The following SRGAP3 variants were observed in gnomAD, a reference collection of about 807,000 sequenced individuals.
SRGAP3 encodes the protein SLIT-ROBO Rho GTPase-activating protein 3.
Under a neutral mutation model 121.1 loss-of-function variants are expected in SRGAP3, and 39 were observed. The observed-to-expected ratio is 0.32, with a 90% CI of 0.25 to 0.42. SRGAP3 has a LOEUF of 0.42. Ranked by LOEUF, SRGAP3 falls within the 10% of genes least tolerant of loss-of-function variation. The probability of loss-of-function intolerance (pLI) is 1.00; values close to 1 mark genes in which losing one functional copy is unlikely to be tolerated. For missense variants in SRGAP3, 1,213 were observed against 1,470.6 expected (o/e 0.82, Z 2.86); for synonymous variants, 601 against 570.0 (o/e 1.05, Z -0.77).
intron 14 of SRGAP3, among the ~76,000 whole-genome samples, chr3:9,018,500 C>T (rs1574917135): frequency 6.6e-6 from 1 of 152,284 alleles, no homozygotes; most frequent in Non-Finnish European, 1.5e-5. Context: ...CTTTTCCCTG[C>T]ATCCTCGTCA....
chr3:9,073,816 C>T (rs533932754), intron 4 of SRGAP3, among the ~76,000 whole-genome samples: 1 of 152,270 alleles, frequency 6.6e-6, no homozygotes, highest in East Asian at 1.9e-4. Context: ...CAGTTGTCAC[C>T]ACTTGCATAA....
chr3:9,177,172 C>A (rs1315627806), intron 1 of SRGAP3, among the ~76,000 whole-genome samples: 2 of 152,176 alleles, frequency 1.3e-5, no homozygotes, highest in African/African-American at 4.8e-5. Flanking sequence ...CAGCTATGTG[C>A]CAGACACTCT....
At chr3:9,025,402 C>G in intron 13 of SRGAP3, 64 bp from the exon 14 acceptor site, 1 of 1,515,756 alleles carries the variant, frequency 6.6e-7, no homozygotes, top group Admixed American at 1.7e-5. Flanking sequence ...CATTAGACTA[C>G]CGGGAATATC....
chr3:9,097,172 G>T (rs1175351050), intron 3 of SRGAP3, among the ~76,000 whole-genome samples: 2 of 151,198 alleles, frequency 1.3e-5, no homozygotes, highest in African/African-American at 4.9e-5. Context: ...TAATTTTTCT[G>T]TAGAGATGCG....
chr3:9,101,096 G>A (rs978989756), intron 3 of SRGAP3, among the ~76,000 whole-genome samples: 2 of 152,218 alleles, frequency 1.3e-5, no homozygotes, highest in Non-Finnish European at 2.9e-5. Flanking sequence ...TTCCATTTCG[G>A]CATTCGGGAG....
At chr3:9,290,163 A>G (rs930247639) in intron 3 of SRGAP3, among the ~76,000 whole-genome samples, 2 of 152,194 alleles carry the variant, frequency 1.3e-5, no homozygotes, top group African/African-American at 4.8e-5. Flanking sequence ...AGCAAACACA[A>G]GCCAGTTTGG....
rs1037988888 is a variant in SRGAP3 at position 8,991,376 on chromosome 3, G to A, written c.2559-537C>T. Among the ~76,000 whole-genome samples, 8 of 152,158 alleles carry A rather than the reference G, an allele frequency of 5.3e-5. No individual in the cohort carries two copies. The East Asian group carries it at 1.5e-3, about 29-fold the overall frequency. On this transcript the variant is annotated intron_variant, in intron 20 of 21. Transcript: ENST00000383836. ...CTCCCCAGAAGAGGGCTCCTTCTGC[G>A]AGGCTTTTTTGGATCTTGGAAAACT... is the stretch of plus-strand genomic sequence containing the variant.
chr3:9,329,001 GT>G (rs34326679), intron 2 of SRGAP3, among the ~76,000 whole-genome samples: 116,060 of 151,912 alleles, frequency 0.76, 44,978 homozygotes, highest in African/African-American at 0.89. Flanking sequence ...ACCCCATCCA[GT>G]TTTTTTTGTT....
chr3:9,230,391 ACATCCT>A (rs1468283330), intron 1 of SRGAP3, among the ~76,000 whole-genome samples: 1 of 152,198 alleles, frequency 6.6e-6, no homozygotes, highest in African/African-American at 2.4e-5. Context: ...GGGCATGCTC[ACATCCT>A]CATCCAGGTA....
Position 9,101,662 on chromosome 3 carries a change from G to A in SRGAP3, c.423+3018C>T, listed in dbSNP as rs1042564569. On this transcript the variant is annotated intron_variant, in intron 3 of 21. Coordinates refer to ENST00000383836, the MANE Select transcript of SRGAP3 (RefSeq NM_014850.4). Reference sequence around the variant, plus strand: ...TTGCCGAAAGAGTTGCAGAAAGACAGAGTTCTAGTAACATCCTTTGTTCCT... The same window carrying A: ...TTGCCGAAAGAGTTGCAGAAAGACAAAGTTCTAGTAACATCCTTTGTTCCT... 6.6e-5 allele frequency among the ~76,000 whole-genome samples: 10 copies of A among 152,226 alleles called. No individual in the cohort carries two copies. In the South Asian group the frequency reaches 1.0e-3, roughly 16 times the overall value.
At chr3:9,093,077 C>T (rs1947821574) in intron 3 of SRGAP3, among the ~76,000 whole-genome samples, 1 of 152,128 alleles carries the variant, frequency 6.6e-6, no homozygotes, top group African/African-American at 2.4e-5. Context: ...CCTGAAAAGC[C>T]AGTATCTATG....
chr3:9,312,455 C>CTAG (rs1955263587), intron 3 of SRGAP3, among the ~76,000 whole-genome samples: 2 of 152,204 alleles, frequency 1.3e-5, no homozygotes, highest in Non-Finnish European at 2.9e-5. Flanking sequence ...CCGCACCTGG[C>CTAG]CGAGATTCAA....
intron 1 of SRGAP3, among the ~76,000 whole-genome samples, chr3:9,146,908 G>A (rs1950045383): frequency 6.6e-6 from 1 of 152,178 alleles, no homozygotes; most frequent in Non-Finnish European, 1.5e-5. Flanking sequence ...ACGCCCAGCG[G>A]TGGCAGCCTG....
chr3:9,004,372 C>G (rs1283113204), intron 18 of SRGAP3, among the ~76,000 whole-genome samples: 1 of 152,168 alleles, frequency 6.6e-6, no homozygotes, highest in African/African-American at 2.4e-5. Flanking sequence ...TTAATGCAAT[C>G]CCTATCAGAA....
chr3:9,284,747 C>G (rs191277784), intron 3 of SRGAP3, among the ~76,000 whole-genome samples: 1 of 149,998 alleles, frequency 6.7e-6, no homozygotes, highest in African/African-American at 2.4e-5. Flanking sequence ...ACAGGAGGAT[C>G]ACTTGAGCCT....
intron 3 of SRGAP3, among the ~76,000 whole-genome samples, chr3:9,297,594 T>TA (rs1178686987): frequency 2.0e-5 from 3 of 151,364 alleles, no homozygotes; most frequent in East Asian, 3.9e-4. Flanking sequence ...CCTGTTTCCT[T>TA]AAAAAAAAGA....
chr3:9,163,330 G>T (rs370866198), intron 1 of SRGAP3, among the ~76,000 whole-genome samples: 1 of 152,178 alleles, frequency 6.6e-6, no homozygotes, highest in East Asian at 1.9e-4. Flanking sequence ...CCTCCAGGGC[G>T]GTTCAACCAG....
At chr3:9,194,874 T>C (rs1951870889) in intron 1 of SRGAP3, among the ~76,000 whole-genome samples, 1 of 152,264 alleles carries the variant, frequency 6.6e-6, no homozygotes, top group Admixed American at 6.5e-5. Context: ...CCTTGGCTGC[T>C]TTGGGTGGTG....
intron 1 of SRGAP3, among the ~76,000 whole-genome samples, chr3:9,154,453 C>G (rs927006589): frequency 1.3e-5 from 2 of 152,070 alleles, no homozygotes; most frequent in Admixed American, 1.3e-4. Flanking sequence ...CCCCACCCCC[C>G]ATCAAGTTCA....
Sources: gnomAD v4.1 joint callset for allele counts (sites outside exome capture counted in the v4.1 genomes callset) on GRCh38, gnomAD v4.1.1 for gene constraint, MANE v1.5 for transcripts, NCBI Gene and HGNC (gene_info 2026-07-23, HGNC 2026-07-21) for gene names.